The following GRIN3A variants were observed in gnomAD, a reference collection of about 807,000 sequenced individuals.
GRIN3A encodes glutamate receptor ionotropic, NMDA 3A.
GRIN3A carries 47 observed loss-of-function variants against 92.4 expected under a neutral mutation model. The ratio of observed to expected loss-of-function variants is 0.51; its 90% confidence interval spans 0.40 to 0.65. The LOEUF (loss-of-function observed/expected upper bound fraction) is 0.65, where lower values mean the gene tolerates loss of function less well. Ranked by LOEUF, GRIN3A falls within the 30% of genes least tolerant of loss-of-function variation. GRIN3A has a pLI of 0.00. For missense variants in GRIN3A, 1,324 were observed against 1,393.1 expected (o/e 0.95, Z 0.79); for synonymous variants, 527 against 540.6 (o/e 0.97, Z 0.35).
At chr9:101,607,374 G>A (rs1588245685) in intron 6 of GRIN3A, among the ~76,000 whole-genome samples, 1 of 152,276 alleles carries the variant, frequency 6.6e-6, no homozygotes, top group East Asian at 1.9e-4. Flanking sequence ...GTGAAAGAGA[G>A]TGTTTAATTG....
At chr9:101,699,249 A>G (rs1829724179) in intron 1 of GRIN3A, among the ~76,000 whole-genome samples, 1 of 152,060 alleles carries the variant, frequency 6.6e-6, no homozygotes, top group Non-Finnish European at 1.5e-5. Flanking sequence ...ACTGACTTCC[A>G]CCTCTACCTC....
intron 1 of GRIN3A, among the ~76,000 whole-genome samples, chr9:101,716,913 A>G (rs369195411): frequency 2.5e-4 from 38 of 152,298 alleles, no homozygotes; most frequent in African/African-American, 7.5e-4. Flanking sequence ...GTTCCCTGTG[A>G]GTAACAGCTG....
rs1327285059 is a variant in GRIN3A at position 101,634,305 on chromosome 9, C to T, written c.2353-5904G>A. On this transcript the variant is annotated intron_variant, in intron 3 of 8. Transcript: ENST00000361820. ...CCGAGATCGCGCCACTGCACTCCAGCCTGGGTGACAGAGTGAGACTCCGTC... is the reference window on the plus strand; with the variant it reads ...CCGAGATCGCGCCACTGCACTCCAGTCTGGGTGACAGAGTGAGACTCCGTC... 7.5e-5 allele frequency among the ~76,000 whole-genome samples: 10 copies of T among 134,116 alleles called. No homozygotes were observed. In the Admixed American group the frequency reaches 8.7e-4, roughly 12 times the overall value. The allele number at this position is 134,116 out of a possible 152,430, so 88.0% of individuals were successfully genotyped here.
chr9:101,712,924 G>C (rs1004959290), intron 1 of GRIN3A, among the ~76,000 whole-genome samples: 5 of 152,180 alleles, frequency 3.3e-5, no homozygotes. Flanking sequence ...GATGAGAAAA[G>C]ATTAAGATTA....
chr9:101,589,690 T>C (rs903919789), intron 6 of GRIN3A, among the ~76,000 whole-genome samples: 4 of 152,206 alleles, frequency 2.6e-5, no homozygotes, highest in Admixed American at 1.3e-4. Context: ...TTCTTTGTTT[T>C]GTTATATTTT....
intron 6 of GRIN3A, among the ~76,000 whole-genome samples, chr9:101,581,951 T>C (rs1827892884): frequency 6.6e-6 from 1 of 152,224 alleles, no homozygotes; most frequent in East Asian, 1.9e-4. Context: ...AATACTGGTA[T>C]AATCTCCATT....
intron 1 of GRIN3A, 78 bp from the exon 2 acceptor site, chr9:101,687,278 A>G: frequency 1.4e-6 from 2 of 1,401,580 alleles, no homozygotes; most frequent in East Asian, 2.3e-5. Flanking sequence ...TTGCTTTCTT[A>G]TGAGGCTTAA....
intron 6 of GRIN3A, among the ~76,000 whole-genome samples, chr9:101,586,935 A>T (rs1422518782): frequency 6.6e-6 from 1 of 152,172 alleles, no homozygotes; most frequent in African/African-American, 2.4e-5. Context: ...CTGTGGTTCG[A>T]GGCTTCATCT....
At chr9:101,652,018 A>G (rs1829021508) in intron 3 of GRIN3A, among the ~76,000 whole-genome samples, 1 of 152,132 alleles carries the variant, frequency 6.6e-6, no homozygotes, top group South Asian at 2.1e-4. Context: ...AATTATAGGC[A>G]AAATGAAGAA....
At chr9:101,618,272 G>A (rs1358329466) in intron 5 of GRIN3A, among the ~76,000 whole-genome samples, 1 of 150,482 alleles carries the variant, frequency 6.6e-6, no homozygotes, top group Non-Finnish European at 1.5e-5. Context: ...CTACAAAATG[G>A]GAGAAAATTT....
intron 3 of GRIN3A, among the ~76,000 whole-genome samples, chr9:101,648,608 A>G (rs1050107898): frequency 1.6e-4 from 24 of 152,002 alleles, no homozygotes; most frequent in African/African-American, 5.6e-4. Flanking sequence ...CTTTAGTTCT[A>G]TTAATATTTG....
chr9:101,588,958 T>C (rs962105689), intron 6 of GRIN3A, among the ~76,000 whole-genome samples: 1 of 151,534 alleles, frequency 6.6e-6, no homozygotes, highest in East Asian at 1.9e-4. Flanking sequence ...ACAATAAAAA[T>C]TTTGTGTATA....
intron 6 of GRIN3A, among the ~76,000 whole-genome samples, chr9:101,608,251 T>C (rs548255640): frequency 5.9e-5 from 9 of 152,240 alleles, no homozygotes; most frequent in Admixed American, 5.9e-4. Flanking sequence ...TTTCCTCCCT[T>C]CTTCTCATTC....
rs572606498 is a variant in GRIN3A, at chr9:101,641,546, T to C, written c.2353-13145A>G. On this transcript the variant is annotated intron_variant, in intron 3 of 8. Coordinates refer to ENST00000361820, the MANE Select transcript of GRIN3A (RefSeq NM_133445.3). Reference sequence around the variant, plus strand: ...ATCGCAAGAACAAAAAACCAAACACTGCATGTTCTCACTCATTGGTGGGAA... The same window carrying C: ...ATCGCAAGAACAAAAAACCAAACACCGCATGTTCTCACTCATTGGTGGGAA... Among the ~76,000 whole-genome samples the C allele has an allele frequency of 8.5e-4, 128 of 151,088 alleles. 1 individual carries two copies. The highest frequency in any genetic ancestry group is 2.9e-3 in the African/African-American group (120 of 41,102).
At chr9:101,630,712 T>C (rs774806008) in intron 3 of GRIN3A, among the ~76,000 whole-genome samples, 1 of 152,176 alleles carries the variant, frequency 6.6e-6, no homozygotes, top group Non-Finnish European at 1.5e-5. Flanking sequence ...TCTTACAAGA[T>C]AGATGTTATT....
intron 2 of GRIN3A, among the ~76,000 whole-genome samples, chr9:101,672,248 T>G (rs920824608): frequency 1.3e-5 from 2 of 152,304 alleles, no homozygotes; most frequent in Admixed American, 6.5e-5. Flanking sequence ...CTTCCTTCAT[T>G]ACAAGAGTTG....
rs567813090 is a variant in GRIN3A, at chr9:101,710,136, C to T, written c.700-22936G>A. Among the ~76,000 whole-genome samples the T allele has an allele frequency of 1.6e-3, 247 of 152,174 alleles. 2 individuals carry two copies. Among genetic ancestry groups the T allele is most frequent in the Non-Finnish European group, 1.2e-3 (84 of 68,004 alleles). On this transcript the variant is annotated intron_variant, in intron 1 of 8. Transcript: ENST00000361820. ...GAAGTATGGACAGTATCAGTTCAGT[C>T]TTTAAGAACAGGAGAGGTAATTATA...
At chr9:101,669,979 C>T (rs773127757) in intron 3 of GRIN3A, 81 bp downstream of exon 3, 5 of 1,074,196 alleles carry the variant, frequency 4.7e-6, no homozygotes, top group East Asian at 2.4e-5. Flanking sequence ...GATGGAAGAA[C>T]ATGAGCATAC....
chr9:101,676,863 CT>C (rs11428077), intron 2 of GRIN3A, among the ~76,000 whole-genome samples: 86 of 147,320 alleles, frequency 5.8e-4, no homozygotes, highest in African/African-American at 1.2e-3. Flanking sequence ...TCCCCTTTTC[CT>C]TTTTTTTTTT....
Sources: allele counts gnomAD v4.1 joint callset (sites outside exome capture counted in the v4.1 genomes callset), GRCh38; gene constraint gnomAD v4.1.1; transcripts MANE v1.5; gene names NCBI Gene and HGNC (gene_info 2026-07-23, HGNC 2026-07-21).